RPA1: variants seen among roughly 807,000 people sequenced by gnomAD.
RPA1 encodes replication protein A 70 kDa DNA-binding subunit.
A neutral mutation model predicts 83.0 loss-of-function variants in RPA1; 49 were observed. That is an observed-to-expected ratio of 0.59 (90% CI 0.47 to 0.75). RPA1 has a LOEUF of 0.75. Ranked by LOEUF, RPA1 falls within the 30% of genes least tolerant of loss-of-function variation. The pLI is 0.00. For missense variants in RPA1, 693 were observed against 776.1 expected, an observed-to-expected ratio of 0.89 and a Z score of 1.27; for synonymous variants, 279 against 281.8, an observed-to-expected ratio of 0.99 and a Z score of 0.10.
At chr17:1,866,241 C>CA (rs1913168976) in intron 5 of RPA1, among the ~76,000 whole-genome samples, 1 of 151,790 alleles carries the variant, frequency 6.6e-6, no homozygotes, top group African/African-American at 2.4e-5. Flanking sequence ...GACTCCATCT[C>CA]AAAAAACAAC....
At chr17:1,895,659 G>GTAGTATTTATTTATTTATT (rs1555596987) in intron 16 of RPA1, among the ~76,000 whole-genome samples, 5 of 141,812 alleles carry the variant, frequency 3.5e-5, no homozygotes, top group Non-Finnish European at 7.6e-5. Flanking sequence ...ATACCATATA[G>GTAGTATTTATTTATTTATT]TATTTATTTA....
intron 9 of RPA1, 49 bp from the exon 10 acceptor site, chr17:1,879,166 G>C: frequency 6.2e-7 from 1 of 1,609,268 alleles, no homozygotes; most frequent in East Asian, 2.2e-5. Flanking sequence ...AGGGGTTTCT[G>C]TCCGATTTGA....
chr17:1,879,533 T>G (rs957911673), intron 10 of RPA1, 27 bp from the exon 11 acceptor site: 1 of 1,614,068 alleles, frequency 6.2e-7, no homozygotes, highest in African/African-American at 1.3e-5. Context: ...CTTGACCACC[T>G]CCTGCTAACA....
At chr17:1,839,164 A>G (rs2151268447) in intron 1 of RPA1, among the ~76,000 whole-genome samples, 1 of 150,956 alleles carries the variant, frequency 6.6e-6, no homozygotes, top group East Asian at 2.0e-4. Flanking sequence ...CCCCTTAGTC[A>G]CTTTATATAA....
chr17:1,862,924 G>C lies in RPA1; in HGVS notation c.362-9510G>C, dbSNP rs562722016. 7.5e-4 allele frequency among the ~76,000 whole-genome samples: 113 copies of C among 151,312 alleles called. 1 individual carries two copies. Among genetic ancestry groups the C allele is most frequent in the South Asian group, 1.3e-3 (6 of 4,782 alleles). On this transcript the variant is annotated intron_variant, in intron 5 of 16. Coordinates refer to ENST00000254719, the MANE Select transcript of RPA1 (RefSeq NM_002945.5). ...GTAGAGACGAAGTTTCACCATGTTG[G>C]CCAGGCTAGTCTCGAACTGCTGACC...
chr17:1,896,083 T>C (rs17292503), intron 16 of RPA1, among the ~76,000 whole-genome samples: 3,409 of 152,278 alleles, frequency 0.022, 57 homozygotes, highest in African/African-American at 0.042. Context: ...TAACCCTATA[T>C]GTAGAAACTG....
At position 1,895,101 on chromosome 17, in the gene RPA1, T is replaced by C. The variant is rs765147220; in HGVS notation, c.1746+6T>C. 3.7e-6 allele frequency: 6 copies of C among 1,611,258 alleles called. No homozygotes were observed. Among genetic ancestry groups the C allele is most frequent in the Non-Finnish European group, 5.1e-6 (6 of 1,177,842 alleles). ...TCAAAGTGGAGACCTACAACGTAAG[T>C]AAGGGCCTGGGCAGCAGGGTTGGTG... On this transcript the variant is annotated splice_donor_region_variant and intron_variant, in intron 16 of 16. Coordinates refer to ENST00000254719, the MANE Select transcript of RPA1 (RefSeq NM_002945.5).
At position 1,895,173 on chromosome 17, in the gene RPA1, T is replaced by TG. The variant is rs931570828; in HGVS notation, c.1746+80dup. 10 of 1,164,288 alleles carry TG rather than the reference T, an allele frequency of 8.6e-6. No individual in the cohort carries two copies. The African/African-American group carries it at 1.4e-4, about 16-fold the overall frequency. 72.1% of individuals were successfully genotyped at this position (1,164,288 alleles called of 1,614,324 possible). A position where few individuals can be genotyped will look rare whatever the true frequency, so the allele number is the denominator to read the frequency against. ...CCTACGGCAGTGTCGTGACACTCCCTGGCAGGGAGTTACTGTACTCACTGC... is the reference window on the plus strand; with the variant it reads ...CCTACGGCAGTGTCGTGACACTCCCTGGGCAGGGAGTTACTGTACTCACTGC... On this transcript the variant is annotated intron_variant, in intron 16 of 16. Transcript: ENST00000254719.
intron 14 of RPA1, among the ~76,000 whole-genome samples, chr17:1,889,097 A>G (rs1363246310): frequency 2.0e-5 from 3 of 152,024 alleles, no homozygotes; most frequent in Non-Finnish European, 2.9e-5. Context: ...GCTAACTGCT[A>G]TGAAGATAAA....
chr17:1,893,386 C>T (rs943596789), intron 15 of RPA1, among the ~76,000 whole-genome samples: 3 of 152,226 alleles, frequency 2.0e-5, no homozygotes, highest in East Asian at 1.9e-4. Context: ...TAATGGCAGC[C>T]GGTGTAATTT....
intron 11 of RPA1, among the ~76,000 whole-genome samples, chr17:1,880,320 C>T (rs1388793510): frequency 6.6e-6 from 1 of 152,106 alleles, no homozygotes; most frequent in Non-Finnish European, 1.5e-5. Flanking sequence ...TGCTGTGATT[C>T]AAGCTTTACG....
intron 5 of RPA1, among the ~76,000 whole-genome samples, chr17:1,859,964 C>G (rs942116051): frequency 1.3e-5 from 2 of 152,186 alleles, no homozygotes; most frequent in African/African-American, 4.8e-5. Context: ...AGGCACGCAT[C>G]ACCATGCTCA....
In RPA1 at chr17:1,830,127, G is replaced by T; in HGVS notation, c.33+1G>T. 8.0e-7 allele frequency: 1 copy of T among 1,247,228 alleles called. No homozygotes were observed. Among genetic ancestry groups the T allele is most frequent in the Non-Finnish European group, 1.0e-6 (1 of 988,068 alleles). 77.3% of individuals were successfully genotyped at this position (1,247,228 alleles called of 1,614,324 possible). On this transcript the variant is annotated splice_donor_variant, in intron 1 of 16. Transcript: ENST00000254719. LOFTEE classifies it high-confidence loss of function. The stretch of plus-strand genomic sequence containing the variant: ...CCAACTGAGCGAGGGGGCCATTGCG[G>T]TGAGGAGGTGCCGGGGGCTGGGCCG...
chr17:1,867,164 G>A (rs1282890939), intron 5 of RPA1, among the ~76,000 whole-genome samples: 2 of 123,358 alleles, frequency 1.6e-5, no homozygotes, highest in Admixed American at 8.9e-5. Flanking sequence ...ACTTTTTTTT[G>A]CAGTAGTAAC....
intron 5 of RPA1, among the ~76,000 whole-genome samples, chr17:1,859,156 G>A (rs1912841511): frequency 2.0e-5 from 3 of 152,068 alleles, no homozygotes; most frequent in Admixed American, 2.0e-4. Flanking sequence ...GCCTGCCTTG[G>A]CCTCCCAAAG....
rs1567819568 is a variant in RPA1 at position 1,875,715 on chromosome 17, G to A, written c.509G>A (p.Gly170Asp). ...TCAAAGACATTTGGAAAAGCTGCAG[G>A]TCCCAGCCTGTCACACACTTCTGGG... ...GASKTFGKAA[G>D]PSLSHTSGGT... is the part of the protein sequence containing the mutation. Residue 170 changes from glycine (G) to aspartate (D), a missense_variant, in exon 7 of 17, where the codon GGT (glycine) becomes GAT (aspartate). Coordinates refer to ENST00000254719, the MANE Select transcript of RPA1 (RefSeq NM_002945.5). 1 of 1,614,122 alleles carries A rather than the reference G, an allele frequency of 6.2e-7. No individual in the cohort carries two copies. The highest frequency in any genetic ancestry group is 8.5e-7 in the Non-Finnish European group (1 of 1,180,022).
At chr17:1,877,172 G>A in intron 7 of RPA1, 40 bp from the exon 8 acceptor site, 1 of 1,565,422 alleles carries the variant, frequency 6.4e-7, no homozygotes, top group Non-Finnish European at 8.8e-7. Context: ...TCTTTTCCAA[G>A]GAAGACCCCA....
chr17:1,839,608 G>A (rs926740219), intron 1 of RPA1, among the ~76,000 whole-genome samples: 2 of 150,752 alleles, frequency 1.3e-5, no homozygotes, highest in African/African-American at 4.9e-5. Context: ...GTACAGGCGT[G>A]AGCCACCGTG....
At chr17:1,883,744 G>A in intron 12 of RPA1, 68 bp from the exon 13 acceptor site, 1 of 1,603,044 alleles carries the variant, frequency 6.2e-7, no homozygotes, top group Non-Finnish European at 8.5e-7. Context: ...GTAGCAGCAA[G>A]TTGCATGTGG....
Sources: allele counts gnomAD v4.1 joint callset (sites outside exome capture counted in the v4.1 genomes callset), GRCh38; gene constraint gnomAD v4.1.1; transcripts MANE v1.5; gene names NCBI Gene and HGNC (gene_info 2026-07-23, HGNC 2026-07-21).